The following FGF18 variants were observed in gnomAD, a reference collection of about 807,000 sequenced individuals.
FGF18 encodes the protein fibroblast growth factor 18.
In FGF18, 5 loss-of-function variants were observed where a neutral mutation model predicts 23.0. That is an observed-to-expected ratio of 0.22 (90% CI 0.11 to 0.46). FGF18 has a LOEUF of 0.46. Ranked by LOEUF, FGF18 falls within the 20% of genes least tolerant of loss-of-function variation. FGF18 has a pLI of 0.99. For missense variants in FGF18, 180 were observed against 291.6 expected (o/e 0.62, Z 2.79); for synonymous variants, 117 against 118.9 (o/e 0.98, Z 0.10).
In FGF18 at chr5:171,436,762, T is replaced by C. The variant is rs2113345150; in HGVS notation, c.250+489T>C. 6.6e-6 allele frequency among the ~76,000 whole-genome samples: 1 copy of C among 152,326 alleles called. No homozygotes were observed. The highest frequency in any genetic ancestry group is 1.9e-4 in the East Asian group (1 of 5,178). Reference sequence around the variant, plus strand: ...GTGATATGTGGCACTCATTAACACCTTGGGCCATGGTCCTGTTGACCTGCC... The same window carrying C: ...GTGATATGTGGCACTCATTAACACCCTGGGCCATGGTCCTGTTGACCTGCC... On this transcript the variant is annotated intron_variant, in intron 3 of 4. Coordinates refer to ENST00000274625, the MANE Select transcript of FGF18 (RefSeq NM_003862.3). This position sits in a 1 kb window ranked among gnomAD's most constrained non-coding sequence, Gnocchi z 4.4.
chr5:171,443,970 C>T (rs1485262964), intron 3 of FGF18, among the ~76,000 whole-genome samples: 1 of 152,004 alleles, frequency 6.6e-6, no homozygotes, highest in African/African-American at 2.4e-5. Flanking sequence ...TTGTTTCATG[C>T]AGCCTTTTCT....
At chr5:171,446,378 C>G (rs1772419703) in intron 3 of FGF18, among the ~76,000 whole-genome samples, 1 of 152,152 alleles carries the variant, frequency 6.6e-6, no homozygotes, top group African/African-American at 2.4e-5. Flanking sequence ...GGGGCCTCTC[C>G]CCTGGAGCCC....
intron 3 of FGF18, among the ~76,000 whole-genome samples, chr5:171,441,242 C>T (rs1027850358): frequency 2.6e-5 from 4 of 152,146 alleles, no homozygotes; most frequent in Admixed American, 2.6e-4. Context: ...GTTGAGCCCC[C>T]ACGGTCCATT....
intron 2 of FGF18, among the ~76,000 whole-genome samples, chr5:171,424,669 G>A (rs769534167): frequency 6.6e-6 from 1 of 152,184 alleles, no homozygotes; most frequent in Non-Finnish European, 1.5e-5. Context: ...CTGGTATAAG[G>A]GGGATGTTGA....
Position 171,436,309 on chromosome 5 carries a change from C to A in FGF18, c.250+36C>A. 1.4e-6 allele frequency: 2 copies of A among 1,435,880 alleles called. No homozygotes were observed. The highest frequency in any genetic ancestry group is 9.2e-7 in the Non-Finnish European group (1 of 1,082,588). The allele number at this position is 1,435,880 out of a possible 1,614,324, so 88.9% of individuals were successfully genotyped here. A position where few individuals can be genotyped will look rare whatever the true frequency, so the allele number is the denominator to read the frequency against. On this transcript the variant is annotated intron_variant, in intron 3 of 4. Coordinates refer to ENST00000274625, the MANE Select transcript of FGF18 (RefSeq NM_003862.3). The surrounding 1 kb of genome is among the most constrained non-coding windows in gnomAD (Gnocchi z 4.4). ...ACCCTCTCCTCCTACTCCGTGTACC[C>A]GTGTACATGTCCTTCCTGGCCTCAG...
chr5:171,439,044 T>C (rs889574833), intron 3 of FGF18, among the ~76,000 whole-genome samples: 1 of 151,992 alleles, frequency 6.6e-6, no homozygotes, highest in Admixed American at 6.6e-5. Flanking sequence ...CATGGATACA[T>C]CCCCGTAAAC....
chr5:171,449,092 C>A, intron 3 of FGF18, 55 bp from the exon 4 acceptor site: 1 of 1,330,310 alleles, frequency 7.5e-7, no homozygotes, highest in Non-Finnish European at 1.1e-6. Flanking sequence ...GCCTTTAGAC[C>A]AAGCCATTGC....
rs545073604 is a variant in FGF18 at position 171,444,181 on chromosome 5, A to C, written c.251-4966A>C. Reference sequence around the variant, plus strand: ...CATCCCCATCCACTAACTTCTGCCCAAAGAAAGTGGGGTCAAAGAGAAGAC... The same window carrying C: ...CATCCCCATCCACTAACTTCTGCCCCAAGAAAGTGGGGTCAAAGAGAAGAC... On this transcript the variant is annotated intron_variant, in intron 3 of 4. Coordinates refer to ENST00000274625, the MANE Select transcript of FGF18 (RefSeq NM_003862.3). Among the ~76,000 whole-genome samples, 95 of 152,284 alleles carry C rather than the reference A, an allele frequency of 6.2e-4. 1 individual carries two copies. Among genetic ancestry groups the C allele is most frequent in the Admixed American group, 6.2e-3 (95 of 15,300 alleles).
rs1772583685 is a variant in FGF18, at chr5:171,456,527, T to C, written c.358-12T>C. On this transcript the variant is annotated splice_polypyrimidine_tract_variant and intron_variant, in intron 4 of 4. Transcript: ENST00000274625. The surrounding 1 kb of genome is among the most constrained non-coding windows in gnomAD (Gnocchi z 6.1). ...ATTTTTTTCTTGAACACTCCCCCTC[T>C]CTCCCCTGCAGCCCGATGGCACCAG... is the stretch of plus-strand genomic sequence containing the variant. The C allele has an allele frequency of 6.2e-7, 1 of 1,608,970 alleles. No homozygotes were observed.
Position 171,456,302 on chromosome 5 carries a change from C to G in FGF18, c.358-237C>G, listed in dbSNP as rs142302360. On this transcript the variant is annotated intron_variant, in intron 4 of 4. Coordinates refer to ENST00000274625, the MANE Select transcript of FGF18 (RefSeq NM_003862.3). This position sits in a 1 kb window ranked among gnomAD's most constrained non-coding sequence, Gnocchi z 6.1. ...TCTGTTAGGTGGCTTTAGCCAGAAT[C>G]CCCTACACCCTCGATGTTTCCTCTT... Among the ~76,000 whole-genome samples, 2,115 of 152,274 alleles carry G rather than the reference C, an allele frequency of 0.014. 41 individuals are homozygous for G. The highest frequency in any genetic ancestry group is 0.048 in the African/African-American group (2,008 of 41,540).
At chr5:171,441,448 G>T (rs886226518) in intron 3 of FGF18, among the ~76,000 whole-genome samples, 2 of 152,180 alleles carry the variant, frequency 1.3e-5, no homozygotes, top group Non-Finnish European at 2.9e-5. Flanking sequence ...GGCATCCCGT[G>T]AACACCCAAG....
chr5:171,439,868 G>T (rs976858259), intron 3 of FGF18, among the ~76,000 whole-genome samples: 2 of 151,852 alleles, frequency 1.3e-5, no homozygotes, highest in Non-Finnish European at 2.9e-5. Context: ...GATTTTATTT[G>T]AAAAAAAGAT....
chr5:171,435,612 A>G (rs1426198835), intron 2 of FGF18, among the ~76,000 whole-genome samples: 1 of 152,020 alleles, frequency 6.6e-6, no homozygotes, highest in Non-Finnish European at 1.5e-5. Context: ...GGTTCCCTGG[A>G]TGAGGCTTTC....
In FGF18 at chr5:171,456,867, C is replaced by G; in HGVS notation, c.*62C>G. The G allele has an allele frequency of 2.0e-6, 3 of 1,521,602 alleles. No individual in the cohort carries two copies. Among genetic ancestry groups the G allele is most frequent in the South Asian group, 1.3e-5 (1 of 79,564 alleles). 94.3% of individuals were successfully genotyped at this position (1,521,602 alleles called of 1,614,324 possible). A position where few individuals can be genotyped will look rare whatever the true frequency, so the allele number is the denominator to read the frequency against. ...CACTCACACTCCCAGAAAACTGCATCAGAGGAATATTTTTACATGAAAAAT... is the reference window on the plus strand; with the variant it reads ...CACTCACACTCCCAGAAAACTGCATGAGAGGAATATTTTTACATGAAAAAT... On this transcript the variant is annotated 3_prime_UTR_variant, in exon 5 of 5. Transcript: ENST00000274625. This position sits in a 1 kb window ranked among gnomAD's most constrained non-coding sequence, Gnocchi z 6.1.
chr5:171,422,011 G>T (rs1353818087), intron 2 of FGF18, among the ~76,000 whole-genome samples: 2 of 152,140 alleles, frequency 1.3e-5, no homozygotes. Flanking sequence ...TGTCTGACCT[G>T]GGCAAGAGCT....
In FGF18 at chr5:171,440,716, T is replaced by C. The variant is rs928139194; in HGVS notation, c.250+4443T>C. Among the ~76,000 whole-genome samples the C allele has an allele frequency of 1.3e-5, 2 of 152,144 alleles. No individual in the cohort carries two copies. Among genetic ancestry groups the C allele is most frequent in the Admixed American group, 6.5e-5 (1 of 15,282 alleles). On this transcript the variant is annotated intron_variant, in intron 3 of 4. Transcript: ENST00000274625. The surrounding 1 kb of genome is among the most constrained non-coding windows in gnomAD (Gnocchi z 4.0). ...GGTAAAGGGTGTGCAGCTGGTACTT[T>C]GCAGCTTCCTCCAGCTCAGGCATGG...
chr5:171,451,445 C>A lies in FGF18; in HGVS notation c.357+2192C>A, dbSNP rs552502897. The stretch of plus-strand genomic sequence containing the variant: ...CCTCTCCACAGCCTCCCTGCCCAGT[C>A]GTACCTTAGGCCCTGGGTGTCCCCT... On this transcript the variant is annotated intron_variant, in intron 4 of 4. Coordinates refer to ENST00000274625, the MANE Select transcript of FGF18 (RefSeq NM_003862.3). The surrounding 1 kb of genome is among the most constrained non-coding windows in gnomAD (Gnocchi z 4.5). Among the ~76,000 whole-genome samples, 1 of 152,346 alleles carries A rather than the reference C, an allele frequency of 6.6e-6. No individual in the cohort carries two copies. The highest frequency in any genetic ancestry group is 1.5e-5 in the Non-Finnish European group (1 of 68,020).
At chr5:171,447,494 A>T (rs531449684) in intron 3 of FGF18, among the ~76,000 whole-genome samples, 1 of 152,148 alleles carries the variant, frequency 6.6e-6, no homozygotes, top group African/African-American at 2.4e-5. Context: ...GGCTGGGGGG[A>T]GGTGGAGAGA....
In FGF18 at chr5:171,420,091, C is replaced by T; in HGVS notation, c.-109C>T. 1 of 912,386 alleles carries T rather than the reference C, an allele frequency of 1.1e-6. No individual in the cohort carries two copies. The highest frequency in any genetic ancestry group is 3.5e-5 in the East Asian group (1 of 28,652). 56.5% of individuals were successfully genotyped at this position (912,386 alleles called of 1,614,324 possible). On this transcript the variant is annotated 5_prime_UTR_variant, in exon 1 of 5. An upstream open reading frame in the 5' UTR gains an earlier in-frame stop. Coordinates refer to ENST00000274625, the MANE Select transcript of FGF18 (RefSeq NM_003862.3). Reference sequence around the variant, plus strand: ...GCAGCAGCCGGCGAGGAGGGAGCAGCAGCAGCGGCGGCGGCGGCGGCGGCG... The same window carrying T: ...GCAGCAGCCGGCGAGGAGGGAGCAGTAGCAGCGGCGGCGGCGGCGGCGGCG...
Sources: gnomAD v4.1 joint callset for allele counts (sites outside exome capture counted in the v4.1 genomes callset) on GRCh38, gnomAD v4.1.1 for gene constraint, Gnocchi (gnomAD v3.1) non-coding constraint, MANE v1.5 for transcripts, NCBI Gene and HGNC (gene_info 2026-07-23, HGNC 2026-07-21) for gene names.